Variants in TRPC3 observed in about 807,000 individuals in gnomAD.
The protein encoded by TRPC3 is short transient receptor potential channel 3.
TRPC3 carries 54 observed loss-of-function variants against 90.9 expected under a neutral mutation model. The ratio of observed to expected loss-of-function variants is 0.59; its 90% CI spans 0.48 to 0.75. The LOEUF (loss-of-function observed/expected upper bound fraction) is 0.75, where lower values mean the gene tolerates loss of function less well. TRPC3 is among the 30% of genes least tolerant of loss of function. The pLI, the probability that TRPC3 is intolerant of heterozygous loss-of-function variation, is 0.00. For missense variants in TRPC3, 918 were observed against 1,194.5 expected, an observed-to-expected ratio of 0.77 and a Z score of 3.41; for synonymous variants, 424 against 450.9, an observed-to-expected ratio of 0.94 and a Z score of 0.75.
intron 3 of TRPC3, among the ~76,000 whole-genome samples, chr4:121,915,716 T>C (rs1445564356): frequency 6.6e-6 from 1 of 152,238 alleles, no homozygotes; most frequent in Non-Finnish European, 1.5e-5. Flanking sequence ...TCCCGTTTGA[T>C]TTTGTTAAGT....
chr4:121,891,934 C>G (rs1320761707), intron 10 of TRPC3, among the ~76,000 whole-genome samples: 1 of 152,188 alleles, frequency 6.6e-6, no homozygotes, highest in Non-Finnish European at 1.5e-5. Flanking sequence ...GGTATGTGCA[C>G]TGCATGCATA....
At chr4:121,903,110 C>A (rs1251703354) in intron 8 of TRPC3, 49 bp from the exon 9 acceptor site, 10 of 1,509,180 alleles carry the variant, frequency 6.6e-6, no homozygotes, top group Non-Finnish European at 8.9e-6. Context: ...GCTAAATATT[C>A]TAGTGACTGT....
chr4:121,887,944 G>A (rs1728187175), intron 10 of TRPC3, among the ~76,000 whole-genome samples: 1 of 151,634 alleles, frequency 6.6e-6, no homozygotes, highest in South Asian at 2.1e-4. Context: ...ACTTCAACAT[G>A]CTATTAATAA....
intron 11 of TRPC3, among the ~76,000 whole-genome samples, chr4:121,882,082 A>T (rs1195925442): frequency 6.6e-6 from 1 of 152,164 alleles, no homozygotes; most frequent in African/African-American, 2.4e-5. Flanking sequence ...TGTCAGAAGG[A>T]TTAAAAAACT....
In TRPC3 at chr4:121,910,257, A is replaced by C. The variant is rs1322954655; in HGVS notation, c.1689T>G (p.Ala563=). The change falls in exon 6 of 12, where the codon GCT becomes GCG. Residue 563 remains alanine, a synonymous_variant. Coordinates refer to ENST00000379645, the MANE Select transcript of TRPC3 (RefSeq NM_001130698.2). ...FIAAFTARFL[A]FLQATKAQQY... Reference sequence around the variant, plus strand: ...GTTGTGCCTTCGTTGCCTGAAGGAAAGCTAGGAATCTGGCTGTGAAAGCAG... The same window carrying C: ...GTTGTGCCTTCGTTGCCTGAAGGAACGCTAGGAATCTGGCTGTGAAAGCAG... The C allele has an allele frequency of 3.1e-6, 5 of 1,613,830 alleles. No individual in the cohort carries two copies. Among genetic ancestry groups the C allele is most frequent in the Non-Finnish European group, 4.2e-6 (5 of 1,179,804 alleles).
chr4:121,932,830 A>G lies in TRPC3; in HGVS notation c.428T>C (p.Val143Ala), dbSNP rs1466863084. 5 of 1,609,704 alleles carry G rather than the reference A, an allele frequency of 3.1e-6. 1 individual carries two copies. The Admixed American group carries it at 6.7e-5, about 22-fold the overall frequency. The change falls in exon 2 of 12, where the codon GTG (valine) becomes GCG (alanine). Residue 143 changes from valine (V) to alanine (A), a missense_variant. Coordinates refer to ENST00000379645, the MANE Select transcript of TRPC3 (RefSeq NM_001130698.2). The surrounding 1 kb of genome is among the most constrained non-coding windows in gnomAD (Gnocchi z 7.7). ...EESKTLNVNCVDYMGQNALQL... is the reference protein window; with the variant it reads ...EESKTLNVNCADYMGQNALQL... ...CAGCGCGTTCTGGCCCATGTAGTCC[A>G]CGCAGTTGACGTTCAGCGTCTTGGA... is the stretch of plus-strand genomic sequence containing the variant.
At chr4:121,921,651 A>T (rs1409129719) in intron 3 of TRPC3, among the ~76,000 whole-genome samples, 1 of 151,338 alleles carries the variant, frequency 6.6e-6, no homozygotes, top group Non-Finnish European at 1.5e-5. Flanking sequence ...TTATTATGTT[A>T]TCAGGGGGTG....
chr4:121,939,853 G>A (rs987678654), intron 1 of TRPC3, among the ~76,000 whole-genome samples: 2 of 152,294 alleles, frequency 1.3e-5, no homozygotes, highest in South Asian at 4.1e-4. Context: ...ATAGAACAGT[G>A]CCCAGAGACC....
intron 10 of TRPC3, among the ~76,000 whole-genome samples, chr4:121,887,291 A>G (rs762127914): frequency 1.1e-4 from 16 of 152,188 alleles, no homozygotes; most frequent in Middle Eastern, 3.2e-3. Context: ...ACTACATAGC[A>G]TGTAGCGTTA....
chr4:121,876,028 A>C lies in TRPC3; in HGVS notation c.*3708T>G, dbSNP rs538850943. Among the ~76,000 whole-genome samples, 3 of 150,914 alleles carry C rather than the reference A, an allele frequency of 2.0e-5. No individual in the cohort carries two copies. In the South Asian group the frequency reaches 6.3e-4, roughly 32 times the overall value. On this transcript the variant is annotated 3_prime_UTR_variant, in exon 12 of 12. Coordinates refer to ENST00000379645, the MANE Select transcript of TRPC3 (RefSeq NM_001130698.2). ...ATCCTCTCACCCCAGCCTCCTGAGTAACTGGAACCACAGACACATGCCACC... is the reference window on the plus strand; with the variant it reads ...ATCCTCTCACCCCAGCCTCCTGAGTCACTGGAACCACAGACACATGCCACC...
At chr4:121,911,799 T>G (rs1729110678) in intron 5 of TRPC3, 78 bp downstream of exon 5, 1 of 1,386,050 alleles carries the variant, frequency 7.2e-7, no homozygotes, top group South Asian at 1.3e-5. Context: ...TAATAACATT[T>G]TTTTTCAATA....
chr4:121,935,678 T>C (rs1048313185), intron 1 of TRPC3, among the ~76,000 whole-genome samples: 41 of 152,278 alleles, frequency 2.7e-4, no homozygotes, highest in African/African-American at 9.9e-4. Flanking sequence ...AAATATTATA[T>C]ATTGATGAGA....
intron 11 of TRPC3, among the ~76,000 whole-genome samples, chr4:121,882,073 G>C (rs1450662479): frequency 6.6e-6 from 1 of 152,024 alleles, no homozygotes; most frequent in Non-Finnish European, 1.5e-5. Context: ...ACTACCTTAT[G>C]TCAGAAGGAT....
chr4:121,917,989 G>A (rs916401081), intron 3 of TRPC3, among the ~76,000 whole-genome samples: 3 of 152,196 alleles, frequency 2.0e-5, no homozygotes, highest in African/African-American at 7.2e-5. Context: ...GGTAGCTATC[G>A]TTTGAATGTG....
intron 8 of TRPC3, among the ~76,000 whole-genome samples, chr4:121,903,755 A>G (rs562697573): frequency 5.3e-5 from 8 of 152,296 alleles, no homozygotes; most frequent in South Asian, 4.1e-4. Context: ...TGAGAACACT[A>G]TATTATGAGT....
chr4:121,885,403 G>T (rs1254778319), intron 10 of TRPC3, among the ~76,000 whole-genome samples: 2 of 152,064 alleles, frequency 1.3e-5, no homozygotes, highest in Non-Finnish European at 2.9e-5. Context: ...TCTGGCTCTG[G>T]TTTTCTTTAA....
intron 1 of TRPC3, among the ~76,000 whole-genome samples, chr4:121,944,329 C>G (rs372437111): frequency 6.7e-6 from 1 of 150,330 alleles, no homozygotes; most frequent in Non-Finnish European, 1.5e-5. Flanking sequence ...GGATTCCTTC[C>G]TACCAAGGGC....
At position 121,935,411 on chromosome 4, in the gene TRPC3, A is replaced by ATG. The variant is rs201219281; in HGVS notation, c.216-2371_216-2370dup. On this transcript the variant is annotated intron_variant, in intron 1 of 11. Transcript: ENST00000379645. ...AGGGTGCAAGTCTGAGTTGGGGGAC[A>ATG]TGTGTGGGGTGTGTGTGTGTGTGTG... 8.0e-3 allele frequency among the ~76,000 whole-genome samples: 1,026 copies of ATG among 127,542 alleles called. 10 individuals carry two copies. Among genetic ancestry groups the ATG allele is most frequent in the African/African-American group, 0.031 (981 of 31,922 alleles). 83.7% of individuals were successfully genotyped at this position (127,542 alleles called of 152,430 possible). A position where few individuals can be genotyped will look rare whatever the true frequency, so the allele number is the denominator to read the frequency against.
intron 11 of TRPC3, 139 bp from the exon 12 acceptor site, chr4:121,880,017 A>G: frequency 1.4e-6 from 1 of 697,262 alleles, no homozygotes; most frequent in Non-Finnish European, 2.2e-6. Flanking sequence ...TTTCTTTAAA[A>G]TATTTAAGAA....
Sources: gnomAD v4.1 joint callset for allele counts (sites outside exome capture counted in the v4.1 genomes callset) on GRCh38, gnomAD v4.1.1 for gene constraint, Gnocchi (gnomAD v3.1) non-coding constraint, MANE v1.5 for transcripts, NCBI Gene and HGNC (gene_info 2026-07-23, HGNC 2026-07-21) for gene names.